AIG1: variants seen among roughly 807,000 people sequenced by gnomAD.
AIG1 encodes the protein androgen induced 1.
AIG1 carries 23 observed loss-of-function variants against 31.4 expected under a neutral mutation model. That is an observed-to-expected ratio of 0.73 (90% CI 0.53 to 1.04). The LOEUF is 1.04. Among genes scored for constraint, AIG1 ranks in the 50% least tolerant of loss-of-function variants. The probability of loss-of-function intolerance (pLI) is 0.00; values close to 1 mark genes in which losing one functional copy is unlikely to be tolerated. For synonymous variants in AIG1, 100 were observed against 110.5 expected (o/e 0.90, Z 0.60); for missense variants, 274 against 295.0 (o/e 0.93, Z 0.52).
rs1034516443 is a variant in AIG1, at chr6:143,162,558, G to A, written c.298-2524G>A. ...TACAATCCCCTTCTGTAGAGTATGA[G>A]AGAGACCTGTGAATATGATGGGTTG... On this transcript the variant is annotated intron_variant, in intron 2 of 5. Coordinates refer to ENST00000357847, the MANE Select transcript of AIG1 (RefSeq NM_016108.4). Among the ~76,000 whole-genome samples, 4 of 152,272 alleles carry A rather than the reference G, an allele frequency of 2.6e-5. 1 individual carries two copies. The Middle Eastern group carries it at 0.014, about 518-fold the overall frequency.
chr6:143,132,394 T>C (rs1022728880), intron 1 of AIG1, among the ~76,000 whole-genome samples: 5 of 152,198 alleles, frequency 3.3e-5, no homozygotes, highest in African/African-American at 1.2e-4. Flanking sequence ...ACTTAAAAGA[T>C]ATTGTTTCAT....
At chr6:143,066,311 C>CT (rs1482285651) in intron 1 of AIG1, among the ~76,000 whole-genome samples, 1 of 151,494 alleles carries the variant, frequency 6.6e-6, no homozygotes, top group Non-Finnish European at 1.5e-5. Context: ...GAGTTTCACT[C>CT]TGTCACCCAG....
intron 3 of AIG1, among the ~76,000 whole-genome samples, chr6:143,169,721 T>G (rs1787311785): frequency 6.6e-6 from 1 of 152,158 alleles, no homozygotes; most frequent in Admixed American, 6.6e-5. Flanking sequence ...TTTTGTCTCT[T>G]TAGTATGTTA....
chr6:143,205,761 A>G (rs1791060404), intron 3 of AIG1, among the ~76,000 whole-genome samples: 2 of 152,230 alleles, frequency 1.3e-5, no homozygotes, highest in African/African-American at 4.8e-5. Context: ...TTAATGTGCT[A>G]TTACAACACT....
At chr6:143,335,991 C>T (rs1222400557) in intron 5 of AIG1, among the ~76,000 whole-genome samples, 1 of 150,970 alleles carries the variant, frequency 6.6e-6, no homozygotes, top group Admixed American at 6.6e-5. Flanking sequence ...AATTGAGTAT[C>T]AGTTATCCAC....
At chr6:143,067,564 G>T (rs79685259) in intron 1 of AIG1, among the ~76,000 whole-genome samples, 3,991 of 152,126 alleles carry the variant, frequency 0.026, 234 homozygotes, top group Admixed American at 0.15. Context: ...AAAATAAGCT[G>T]CTTAAGTATA....
At chr6:143,152,267 C>T (rs946710031) in intron 2 of AIG1, among the ~76,000 whole-genome samples, 4 of 152,102 alleles carry the variant, frequency 2.6e-5, no homozygotes, top group Non-Finnish European at 5.9e-5. Flanking sequence ...TACTTTTATC[C>T]TCAGGTAACT....
intron 3 of AIG1, among the ~76,000 whole-genome samples, chr6:143,251,289 T>A (rs1794994004): frequency 6.6e-6 from 1 of 152,076 alleles, no homozygotes. Flanking sequence ...CGGCCTCAGG[T>A]GGTCCGCCTG....
At chr6:143,317,123 A>G (rs545474848) in intron 4 of AIG1, among the ~76,000 whole-genome samples, 1 of 152,282 alleles carries the variant, frequency 6.6e-6, no homozygotes, top group Admixed American at 6.5e-5. Context: ...TATTCAAAAA[A>G]GTAGAGAAAG....
chr6:143,231,775 G>A (rs1793463879), intron 3 of AIG1, among the ~76,000 whole-genome samples: 1 of 152,168 alleles, frequency 6.6e-6, no homozygotes, highest in East Asian at 1.9e-4. Flanking sequence ...TACACTTACA[G>A]CACATGTCAG....
chr6:143,084,040 A>G (rs539397618), intron 1 of AIG1, among the ~76,000 whole-genome samples: 21 of 152,058 alleles, frequency 1.4e-4, no homozygotes, highest in Non-Finnish European at 2.5e-4. Context: ...CTGTCATAGG[A>G]CCCCTCAGAT....
chr6:143,183,614 T>C (rs2128588407), intron 3 of AIG1, among the ~76,000 whole-genome samples: 1 of 152,346 alleles, frequency 6.6e-6, no homozygotes, highest in South Asian at 2.1e-4. Context: ...GCCCTTGTTG[T>C]TGCTTTGTTT....
At chr6:143,276,964 C>G (rs1201577718) in intron 3 of AIG1, among the ~76,000 whole-genome samples, 4 of 152,176 alleles carry the variant, frequency 2.6e-5, no homozygotes, top group African/African-American at 9.7e-5. Context: ...CACGTTGATT[C>G]TCTTCATGCC....
chr6:143,252,427 A>G (rs1795075441), intron 3 of AIG1, among the ~76,000 whole-genome samples: 1 of 152,176 alleles, frequency 6.6e-6, no homozygotes, highest in Non-Finnish European at 1.5e-5. Flanking sequence ...CTCTTAACGC[A>G]CAGTACAGAA....
intron 1 of AIG1, among the ~76,000 whole-genome samples, chr6:143,069,528 G>T (rs1777058183): frequency 6.6e-6 from 1 of 152,114 alleles, no homozygotes; most frequent in Non-Finnish European, 1.5e-5. Context: ...CATTCTAATA[G>T]GTGTGTAGCA....
At chr6:143,060,846 C>G (rs1776168526), upstream of AIG1, 1 of 958,422 alleles carries the variant, frequency 1.0e-6, no homozygotes, top group Non-Finnish European at 1.3e-6. Flanking sequence ...CGGGTTCCCA[C>G]GGCGCCCGCC....
At chr6:143,341,982 A>T (rs145276650), downstream of AIG1, among the ~76,000 whole-genome samples, 1,262 of 152,192 alleles carry the variant, frequency 8.3e-3, 7 homozygotes, top group Non-Finnish European at 0.013. Flanking sequence ...CTGGAGTGCA[A>T]TGGCACCATC....
intron 3 of AIG1, among the ~76,000 whole-genome samples, chr6:143,239,069 T>C (rs1378696732): frequency 6.6e-6 from 1 of 152,140 alleles, no homozygotes; most frequent in African/African-American, 2.4e-5. Flanking sequence ...AATTTTTAGG[T>C]ATTGATGAAT....
intron 3 of AIG1, among the ~76,000 whole-genome samples, chr6:143,254,787 G>A (rs955149031): frequency 6.6e-5 from 10 of 152,158 alleles, no homozygotes; most frequent in Non-Finnish European, 1.0e-4. Context: ...GCCAAGACAG[G>A]CAGATTGCTT....
Sources: gnomAD v4.1 joint callset for allele counts (sites outside exome capture counted in the v4.1 genomes callset) on GRCh38, gnomAD v4.1.1 for gene constraint, MANE v1.5 for transcripts, NCBI Gene and HGNC (gene_info 2026-07-23, HGNC 2026-07-21) for gene names.